Variants in LRGUK observed in about 807,000 individuals in gnomAD.
LRGUK encodes leucine-rich repeat and guanylate kinase domain-containing protein.
A neutral mutation model predicts 76.0 loss-of-function variants in LRGUK; 65 were observed. That is an observed-to-expected ratio of 0.85 (90% CI 0.70 to 1.05). LRGUK has a LOEUF of 1.05. LRGUK is among the 50% of genes least tolerant of loss of function. The pLI is 0.00. For missense variants in LRGUK, 758 were observed against 732.8 expected (o/e 1.03, Z -0.40); for synonymous variants, 268 against 265.6 (o/e 1.01, Z -0.09).
At chr7:134,260,021 T>C (rs1802680404) in intron 19 of LRGUK, among the ~76,000 whole-genome samples, 1 of 152,134 alleles carries the variant, frequency 6.6e-6, no homozygotes, top group Non-Finnish European at 1.5e-5. Flanking sequence ...CTGTTATCAG[T>C]GGTGTGGTAC....
chr7:134,220,719 C>A (rs151259887), intron 15 of LRGUK, among the ~76,000 whole-genome samples: 3 of 152,202 alleles, frequency 2.0e-5, no homozygotes, highest in African/African-American at 7.2e-5. Flanking sequence ...CAGGCACACA[C>A]CACCACATCA....
At chr7:134,199,282 C>T in exon 14 of LRGUK, 2 of 1,613,718 alleles carry the variant, frequency 1.2e-6, no homozygotes, top group Non-Finnish European at 1.7e-6. Context: ...TGCCCATGAA[C>T]AAGGAAAAAT....
At chr7:134,148,828 T>C (rs545832320) in intron 5 of LRGUK, among the ~76,000 whole-genome samples, 11 of 152,074 alleles carry the variant, frequency 7.2e-5, no homozygotes, top group Middle Eastern at 3.4e-3. Flanking sequence ...GGCACGAGAA[T>C]TGCTTGAACC....
intron 6 of LRGUK, among the ~76,000 whole-genome samples, chr7:134,161,941 C>T (rs1019130468): frequency 5.9e-5 from 9 of 152,020 alleles, no homozygotes; most frequent in South Asian, 2.1e-4. Context: ...ATCCGCCTGC[C>T]GCAGCCTCCC....
At chr7:134,197,167 ATGTG>A (rs10611703) in intron 13 of LRGUK, 62 bp downstream of exon 13, 7,389 of 667,600 alleles carry the variant, frequency 0.011, no homozygotes, top group South Asian at 0.015. Flanking sequence ...GTGTGTGTGT[ATGTG>A]TGTGTGTGTG....
intron 18 of LRGUK, among the ~76,000 whole-genome samples, chr7:134,249,655 A>G (rs1267418785): frequency 6.6e-6 from 1 of 152,210 alleles, no homozygotes; most frequent in Non-Finnish European, 1.5e-5. Flanking sequence ...GAAGTGCAAT[A>G]CATAAAAGGC....
At chr7:134,198,791 G>A (rs997790558) in intron 13 of LRGUK, among the ~76,000 whole-genome samples, 1 of 152,144 alleles carries the variant, frequency 6.6e-6, no homozygotes, top group Non-Finnish European at 1.5e-5. Flanking sequence ...GTCCCAAGAT[G>A]ATGACAAAGG....
intron 15 of LRGUK, among the ~76,000 whole-genome samples, chr7:134,203,108 CAGG>C (rs1313776486): frequency 1.3e-5 from 2 of 151,964 alleles, no homozygotes; most frequent in East Asian, 3.9e-4. Context: ...GAGGCTGAGG[CAGG>C]AGAATTGCTT....
chr7:134,162,231 T>C (rs1798780115), intron 6 of LRGUK, among the ~76,000 whole-genome samples: 1 of 152,174 alleles, frequency 6.6e-6, no homozygotes. Flanking sequence ...GTTCTTCCAC[T>C]GGGCTTGCTG....
At chr7:134,224,274 C>A (rs1326948152) in intron 16 of LRGUK, among the ~76,000 whole-genome samples, 1 of 152,352 alleles carries the variant, frequency 6.6e-6, no homozygotes, top group South Asian at 2.1e-4. Flanking sequence ...AGAGGCAGCC[C>A]ATTTCCCAGG....
chr7:134,149,216 C>T (rs1376883002), intron 5 of LRGUK, among the ~76,000 whole-genome samples: 1 of 151,848 alleles, frequency 6.6e-6, no homozygotes, highest in Non-Finnish European at 1.5e-5. Flanking sequence ...GCTCCAACTT[C>T]TAGAGCCTAA....
At chr7:134,191,735 A>G (rs767410506) in exon 12 of LRGUK, 2 of 1,609,494 alleles carry the variant, frequency 1.2e-6, no homozygotes, top group African/African-American at 2.7e-5. Context: ...GACGTTTTTG[A>G]TGAAATGGTG....
chr7:134,208,150 G>A (rs888274097), intron 15 of LRGUK, among the ~76,000 whole-genome samples: 3 of 152,120 alleles, frequency 2.0e-5, no homozygotes, highest in South Asian at 4.1e-4. Flanking sequence ...GATTCTGTCC[G>A]GCCGATTCTT....
chr7:134,244,890 A>G (rs1563198282), intron 16 of LRGUK, among the ~76,000 whole-genome samples: 6 of 152,186 alleles, frequency 3.9e-5, no homozygotes, highest in Admixed American at 3.9e-4. Flanking sequence ...TGATGAGTTC[A>G]TGTCCTTTGT....
intron 6 of LRGUK, among the ~76,000 whole-genome samples, chr7:134,162,638 C>A (rs1798794999): frequency 6.6e-6 from 1 of 151,874 alleles, no homozygotes; most frequent in South Asian, 2.1e-4. Flanking sequence ...ACCAGCCTGG[C>A]CAACATGATG....
chr7:134,203,965 GTACCCTACGT>G (rs1383764847), intron 15 of LRGUK, among the ~76,000 whole-genome samples: 8 of 152,202 alleles, frequency 5.3e-5, no homozygotes. Flanking sequence ...TGTCGGGGCT[GTACCCTACGT>G]TACCCACCCT....
rs1266405020 is a variant in LRGUK, at chr7:134,163,551, A to C, written c.939+11A>C. 6.3e-7 allele frequency: 1 copy of C among 1,599,016 alleles called. No individual in the cohort carries two copies. ...CTGGAGGATAATAAGGTAGTGTTGC[A>C]CTTCACATGTCTTGGTTTCAGTGTT... On this transcript the variant is annotated intron_variant, in intron 7 of 15. Transcript: ENST00000645682.
intron 18 of LRGUK, among the ~76,000 whole-genome samples, chr7:134,254,621 A>AC (rs1340212276): frequency 1.3e-5 from 2 of 152,032 alleles, no homozygotes; most frequent in African/African-American, 4.8e-5. Flanking sequence ...CCTCCTGAAG[A>AC]CCCCGCCTCC....
Position 134,221,843 on chromosome 7 carries a change from TG to T in LRGUK, c.1909del (p.Asp637IlefsTer41). On this transcript the variant is annotated frameshift_variant, in exon 16 of 20. Transcript: ENST00000285928. LOFTEE classifies it high-confidence loss of function. ...CAAAGTATATTTCTTCGAATATGGG[TG>T]ATTTCCTGCATTCTACAGACAGAAA... The T allele has an allele frequency of 6.2e-7, 1 of 1,604,106 alleles. No homozygotes were observed. The highest frequency in any genetic ancestry group is 8.5e-7 in the Non-Finnish European group (1 of 1,175,922).
Sources: allele counts gnomAD v4.1 joint callset (sites outside exome capture counted in the v4.1 genomes callset), GRCh38; gene constraint gnomAD v4.1.1; transcripts MANE v1.5; gene names NCBI Gene and HGNC (gene_info 2026-07-23, HGNC 2026-07-21).